PCDHA8: variants seen among roughly 807,000 people sequenced by gnomAD.
PCDHA8 encodes the protein protocadherin alpha-8.
Under a neutral mutation model 61.8 loss-of-function variants are expected in PCDHA8, and 53 were observed. The ratio of observed to expected loss-of-function variants is 0.86; its 90% CI spans 0.69 to 1.08. The LOEUF (loss-of-function observed/expected upper bound fraction) is 1.08, where lower values mean the gene tolerates loss of function less well. Ranked by LOEUF, PCDHA8 falls within the 50% of genes least tolerant of loss-of-function variation. The pLI is 0.00. For synonymous variants in PCDHA8, 618 were observed against 556.6 expected, an observed-to-expected ratio of 1.11 and a Z score of -1.55; for missense variants, 1,293 against 1,245.0, an observed-to-expected ratio of 1.04 and a Z score of -0.58.
chr5:140,912,889 G>T (rs782116758), intron 1 of PCDHA8, among the ~76,000 whole-genome samples: 8 of 152,140 alleles, frequency 5.3e-5, no homozygotes, highest in Non-Finnish European at 1.2e-4. Context: ...TCATTCTGTT[G>T]ATATGATGTA....
In PCDHA8 at chr5:140,876,309, T is replaced by G. The variant is rs868927753; in HGVS notation, c.2394+32594T>G. On this transcript the variant is annotated intron_variant, in intron 1 of 3. Transcript: ENST00000531613. ...AAGGACTTAATGGAGAAATTTCCTATGGGATCAAAATGATTTTGCCAGTGA... is the reference window on the plus strand; with the variant it reads ...AAGGACTTAATGGAGAAATTTCCTAGGGGATCAAAATGATTTTGCCAGTGA... The G allele has an allele frequency of 6.2e-6, 10 of 1,614,064 alleles. No homozygotes were observed. The Admixed American group carries it at 1.7e-4, about 27-fold the overall frequency.
rs181382577 is a variant in PCDHA8 at position 140,851,207 on chromosome 5, A to G, written c.2394+7492A>G. 3,689 of 1,174,684 alleles carry G rather than the reference A, an allele frequency of 3.1e-3. 213 individuals carry two copies. The highest frequency in any genetic ancestry group is 3.6e-3 in the Non-Finnish European group (3,326 of 916,620). The allele number at this position is 1,174,684 out of a possible 1,614,324, so 72.8% of individuals were successfully genotyped here. On this transcript the variant is annotated intron_variant, in intron 1 of 3. Transcript: ENST00000531613. The stretch of plus-strand genomic sequence containing the variant: ...CCAATTTAGTTGTTAGTCATTCATT[A>G]AACATTAACATCACTATCATTTATT...
At chr5:141,000,415 ATATATATTTTTT>A (rs1251582263) in intron 3 of PCDHA8, among the ~76,000 whole-genome samples, 1 of 87,388 alleles carries the variant, frequency 1.1e-5, no homozygotes, top group East Asian at 3.4e-4. Context: ...ATATATATAT[ATATATATTTTTT>A]TTTTTTTTTT....
intron 1 of PCDHA8, among the ~76,000 whole-genome samples, chr5:140,917,068 G>A (rs2077864221): frequency 6.6e-6 from 1 of 152,066 alleles, no homozygotes; most frequent in African/African-American, 2.4e-5. Flanking sequence ...CGACAGCACC[G>A]AGTTTAATGT....
At chr5:140,870,627 G>A (rs782093554) in intron 1 of PCDHA8, 17 of 1,612,908 alleles carry the variant, frequency 1.1e-5, no homozygotes, top group Middle Eastern at 1.7e-4. Flanking sequence ...GCTACGTGTC[G>A]GTGCACGCGG....
At chr5:140,942,757 T>C (rs2093364947) in intron 1 of PCDHA8, among the ~76,000 whole-genome samples, 1 of 152,174 alleles carries the variant, frequency 6.6e-6, no homozygotes, top group South Asian at 2.1e-4. Context: ...ATAAATGAGA[T>C]GGCATAATGT....
At chr5:140,857,386 C>A in intron 1 of PCDHA8, 2 of 1,598,422 alleles carry the variant, frequency 1.3e-6, no homozygotes, top group Non-Finnish European at 1.7e-6. Flanking sequence ...AGGTGGCCGA[C>A]GTGAACGACA....
intron 1 of PCDHA8, chr5:140,968,425 C>T (rs1195446919): frequency 6.2e-7 from 1 of 1,613,832 alleles, no homozygotes; most frequent in Non-Finnish European, 8.5e-7. Flanking sequence ...AGGCTCAGGA[C>T]AAGGGGAGCC....
intron 1 of PCDHA8, among the ~76,000 whole-genome samples, chr5:140,973,636 T>C (rs535388717): frequency 6.6e-6 from 1 of 152,234 alleles, no homozygotes; most frequent in Non-Finnish European, 1.5e-5. Flanking sequence ...CTTGTACACA[T>C]TCTGACTGAA....
chr5:140,929,409 T>C, intron 1 of PCDHA8: 11 of 1,506,206 alleles, frequency 7.3e-6, no homozygotes, highest in Non-Finnish European at 9.8e-6. Context: ...GACAAGCCTT[T>C]CACAACATTT....
At chr5:141,005,930 G>C (rs1179599253) in intron 3 of PCDHA8, among the ~76,000 whole-genome samples, 1 of 151,958 alleles carries the variant, frequency 6.6e-6, no homozygotes, top group African/African-American at 2.4e-5. Context: ...CTGGTTGACA[G>C]AGTGAGAACC....
At chr5:140,877,316 C>T in intron 1 of PCDHA8, 1 of 1,613,948 alleles carries the variant, frequency 6.2e-7, no homozygotes. Flanking sequence ...CAACCGGCGG[C>T]GGTCGGCGCG....
intron 1 of PCDHA8, among the ~76,000 whole-genome samples, chr5:140,881,751 A>C (rs974973794): frequency 2.0e-5 from 3 of 152,206 alleles, no homozygotes; most frequent in African/African-American, 7.2e-5. Context: ...GGACAGTACC[A>C]CAAAAACCTA....
Position 141,010,222 on chromosome 5 carries a change from C to T in PCDHA8, c.*285C>T. 6.4e-7 allele frequency: 1 copy of T among 1,551,730 alleles called. No homozygotes were observed. The highest frequency in any genetic ancestry group is 2.4e-5 in the East Asian group (1 of 40,912). ...CCTCCGCCGCAAAGGAGAGGCTTCC[C>T]AGCCCCGCCAGTGAGAGGTTGGACT... On this transcript the variant is annotated 3_prime_UTR_variant, in exon 4 of 4. Transcript: ENST00000531613.
rs781874469 is a variant in PCDHA8 at position 140,967,699 on chromosome 5, T to A, written c.2395-11250T>A. On this transcript the variant is annotated intron_variant, in intron 1 of 3. Coordinates refer to ENST00000531613, the MANE Select transcript of PCDHA8 (RefSeq NM_018911.3). ...GGGAGAGGCAGCTCTTCAGCATAGA[T>A]GCCAGTACCGGGGAAGTGCGAGTAA... The A allele has an allele frequency of 1.2e-6, 2 of 1,614,154 alleles. No individual in the cohort carries two copies. Among genetic ancestry groups the A allele is most frequent in the Non-Finnish European group, 1.7e-6 (2 of 1,180,034 alleles).
At chr5:140,930,258 ATTTCT>A (rs1398620749) in intron 1 of PCDHA8, 6 of 152,342 alleles carry the variant, frequency 3.9e-5, no homozygotes, top group African/African-American at 1.4e-4. Flanking sequence ...CTTGGATTTA[ATTTCT>A]TTTATTTTAG....
chr5:140,987,391 G>A (rs1277678841), intron 3 of PCDHA8, among the ~76,000 whole-genome samples: 1 of 152,140 alleles, frequency 6.6e-6, no homozygotes, highest in Non-Finnish European at 1.5e-5. Flanking sequence ...ATGCATGCAA[G>A]GAAGCCATCT....
At chr5:140,867,118 T>G (rs2049765139) in intron 1 of PCDHA8, 1 of 152,172 alleles carries the variant, frequency 6.6e-6, no homozygotes, top group Non-Finnish European at 1.5e-5. Context: ...CATATTGTTT[T>G]AATTCAAATA....
intron 3 of PCDHA8, among the ~76,000 whole-genome samples, chr5:141,006,369 G>A (rs2098270445): frequency 1.3e-5 from 2 of 151,784 alleles, no homozygotes; most frequent in Admixed American, 6.6e-5. Context: ...CCACCACCAC[G>A]CCCGGCTAAG....
Sources: gnomAD v4.1 joint callset for allele counts (sites outside exome capture counted in the v4.1 genomes callset) on GRCh38, gnomAD v4.1.1 for gene constraint, MANE v1.5 for transcripts, NCBI Gene and HGNC (gene_info 2026-07-23, HGNC 2026-07-21) for gene names.